Variants in HERC6 observed in about 807,000 individuals in gnomAD.
HERC6 encodes HECT and RLD domain containing E3 ubiquitin protein ligase family member 6.
Under a neutral mutation model 114.5 loss-of-function variants are expected in HERC6, and 101 were observed. The observed-to-expected ratio is 0.88, with a 90% confidence interval of 0.75 to 1.04. HERC6 has a LOEUF of 1.04. Ranked by LOEUF, HERC6 falls within the 50% of genes least tolerant of loss-of-function variation. The pLI is 0.00. For missense variants in HERC6, 1,133 were observed against 1,230.9 expected (o/e 0.92, Z 1.19); for synonymous variants, 408 against 436.2 (o/e 0.94, Z 0.81).
intron 16 of HERC6, among the ~76,000 whole-genome samples, chr4:88,429,854 T>A (rs1738006225): frequency 6.6e-6 from 1 of 152,216 alleles, no homozygotes; most frequent in African/African-American, 2.4e-5. Context: ...TAGAAAAGTA[T>A]TCCCCTTATG....
intron 22 of HERC6, 51 bp downstream of exon 22, chr4:88,440,301 G>A (rs924368065): frequency 6.7e-6 from 7 of 1,050,742 alleles, no homozygotes; most frequent in Non-Finnish European, 1.0e-5. Flanking sequence ...TTTTAAAAAG[G>A]TACAGTCTTG....
intron 22 of HERC6, among the ~76,000 whole-genome samples, 159 bp from the exon 23 acceptor site, chr4:88,442,074 CA>C (rs1321898592): frequency 6.6e-6 from 1 of 152,148 alleles, no homozygotes; most frequent in Non-Finnish European, 1.5e-5. Flanking sequence ...GGACAAAGAC[CA>C]AATGTCATGA....
At chr4:88,387,521 T>G (rs919821530) in intron 3 of HERC6, among the ~76,000 whole-genome samples, 6 of 152,224 alleles carry the variant, frequency 3.9e-5, no homozygotes, top group African/African-American at 1.4e-4. Context: ...AACAGAATAG[T>G]CAGGATTTGA....
At chr4:88,379,742 A>ATATATAAAT (rs1734081979) in intron 1 of HERC6, among the ~76,000 whole-genome samples, 3 of 61,236 alleles carry the variant, frequency 4.9e-5, no homozygotes, top group East Asian at 4.8e-4. Context: ...TAAATATATA[A>ATATATAAAT]ATATATAACA....
chr4:88,389,688 T>A (rs1438573348), intron 3 of HERC6, among the ~76,000 whole-genome samples: 1 of 147,160 alleles, frequency 6.8e-6, no homozygotes, highest in Non-Finnish European at 1.5e-5. Context: ...CGCTTGCCTT[T>A]AGTTGGGATA....
At position 88,442,659 on chromosome 4, in the gene HERC6, T is replaced by C. The variant is rs774018553; in HGVS notation, c.*199T>C. The C allele has an allele frequency of 3.4e-6, 2 of 596,006 alleles. No individual in the cohort carries two copies. The highest frequency in any genetic ancestry group is 2.8e-5 in the East Asian group (1 of 35,308). 36.9% of individuals were successfully genotyped at this position (596,006 alleles called of 1,614,324 possible). A position where few individuals can be genotyped will look rare whatever the true frequency, so the allele number is the denominator to read the frequency against. On this transcript the variant is annotated 3_prime_UTR_variant, in exon 23 of 23. Coordinates refer to ENST00000264346, the MANE Select transcript of HERC6 (RefSeq NM_017912.4). The stretch of plus-strand genomic sequence containing the variant: ...GAGGCAGGAGAATAGGGTACAGAGA[T>C]AGGGATCTAAGGATGACTTGGACAC...
At chr4:88,402,135 G>A (rs1735576961) in intron 8 of HERC6, among the ~76,000 whole-genome samples, 1 of 152,196 alleles carries the variant, frequency 6.6e-6, no homozygotes, top group African/African-American at 2.4e-5. Flanking sequence ...AAAGAATCTT[G>A]GACTGCAGGT....
rs781425955 is a variant in HERC6, at chr4:88,394,474, CAAAAAAA to C, written c.759+907_759+913del. Among the ~76,000 whole-genome samples the C allele has an allele frequency of 2.5e-3, 106 of 42,874 alleles. 1 individual carries two copies. In the East Asian group the frequency reaches 0.042, roughly 17 times the overall value. 28.1% of individuals were successfully genotyped at this position (42,874 alleles called of 152,430 possible). On this transcript the variant is annotated intron_variant, in intron 5 of 22. Coordinates refer to ENST00000264346, the MANE Select transcript of HERC6 (RefSeq NM_017912.4). ...GTTGACACAGCAAGACTCTCCTGTC[CAAAAAAA>C]AAAAAAAAAAAAAATTAGGTTAATA...
chr4:88,440,124 AT>A, intron 21 of HERC6, 23 bp from the exon 22 acceptor site: 1 of 1,603,748 alleles, frequency 6.2e-7, no homozygotes. Flanking sequence ...CACTCAAATC[AT>A]TTTTCTCCCT....
Position 88,435,833 on chromosome 4 carries a change from C to A in HERC6, c.2359C>A (p.Leu787Ile). 6.2e-7 allele frequency: 1 copy of A among 1,611,860 alleles called. No homozygotes were observed. Residue 787 changes from leucine (L) to isoleucine (I), a missense_variant, in exon 18 of 23, where the codon CTT becomes ATT. Physicochemically the swap from Leu to Ile is conservative, Grantham distance 5 (BLOSUM62 2). This residue lies in a region of HERC6 where 388 missense variants were observed against 445.9 expected (regional missense o/e 0.87). Transcript: ENST00000264346. Reference sequence around the variant, plus strand: ...TTTCCCACTGGCTCTGTATAAAAAACTTCTGGACCAAAAGCCATCATTGGA... The same window carrying A: ...TTTCCCACTGGCTCTGTATAAAAAAATTCTGGACCAAAAGCCATCATTGGA... ...LPFPLALYKK[L>I]LDQKPSLEDL...
At chr4:88,392,500 A>G (rs1252868831) in intron 4 of HERC6, among the ~76,000 whole-genome samples, 1 of 152,030 alleles carries the variant, frequency 6.6e-6, no homozygotes, top group Admixed American at 6.6e-5. Context: ...AGTTTTTCTT[A>G]TCATCTCAAT....
At position 88,393,503 on chromosome 4, in the gene HERC6, C is replaced by A. The variant is rs770389866; in HGVS notation, c.680C>A (p.Pro227His). The A allele has an allele frequency of 1.2e-5, 20 of 1,610,100 alleles. No homozygotes were observed. In the East Asian group the frequency reaches 4.0e-4, roughly 32 times the overall value. Reference protein sequence around the residue: ...GRNVPVQSNKPLSVGALKNLG... With the variant: ...GRNVPVQSNKHLSVGALKNLG... ...CTTTCAACAGTGCAAAGCAACAAGC[C>A]TCTCTCAGTCGGTGCACTGAAGAAT... Residue 227 changes from proline to histidine, a missense_variant, in exon 5 of 23, where the codon CCT (proline) becomes CAT (histidine). By Grantham distance (77) the Pro-to-His change is moderately conservative. Coordinates refer to ENST00000264346, the MANE Select transcript of HERC6 (RefSeq NM_017912.4).
chr4:88,438,995 C>T (rs1013057658), intron 20 of HERC6, among the ~76,000 whole-genome samples: 1 of 152,192 alleles, frequency 6.6e-6, no homozygotes, highest in African/African-American at 2.4e-5. Flanking sequence ...GTAGAAATTA[C>T]ATCCTGTAGT....
chr4:88,414,545 C>T (rs777561025), intron 12 of HERC6, among the ~76,000 whole-genome samples: 1 of 152,152 alleles, frequency 6.6e-6, no homozygotes, highest in Non-Finnish European at 1.5e-5. Context: ...AAAATGGCTA[C>T]TCCACAGGCA....
chr4:88,408,123 A>T (rs1578389277), intron 10 of HERC6, among the ~76,000 whole-genome samples: 1 of 152,348 alleles, frequency 6.6e-6, no homozygotes, highest in African/African-American at 2.4e-5. Context: ...GTTTCCTGGA[A>T]AAGTAAAGTC....
intron 1 of HERC6, among the ~76,000 whole-genome samples, chr4:88,379,798 A>G (rs1734092829): frequency 2.3e-5 from 2 of 85,796 alleles, no homozygotes; most frequent in Non-Finnish European, 3.9e-5. Context: ...ATATAAATAT[A>G]TATAATATAT....
intron 8 of HERC6, among the ~76,000 whole-genome samples, chr4:88,400,296 G>C (rs1735463503): frequency 6.6e-6 from 1 of 152,134 alleles, no homozygotes; most frequent in African/African-American, 2.4e-5. Context: ...CAAATTCCTA[G>C]GCTTAAGCCA....
In HERC6 at chr4:88,390,869, T is replaced by C. The variant is rs755870962; in HGVS notation, c.654T>C (p.Arg218=). Residue 218 remains arginine (R), a synonymous_variant, in exon 4 of 23, where the codon CGT becomes CGC. Transcript: ENST00000264346. ...CCGGGCAGCTGGCCCTCAGTGGGCG[T>C]AATGTCCCAGGTAAGGAGATAGTCT... ...NSAGQLALSG[R]NVPVQSNKPL... is the part of the protein sequence containing the mutation. The C allele has an allele frequency of 1.2e-6, 2 of 1,612,462 alleles. No individual in the cohort carries two copies. Among genetic ancestry groups the C allele is most frequent in the South Asian group, 1.1e-5 (1 of 90,942 alleles).
At position 88,442,420 on chromosome 4, in the gene HERC6, A is replaced by G. The variant is rs1226379609; in HGVS notation, c.3029A>G (p.Asn1010Ser). 6.2e-7 allele frequency: 1 copy of G among 1,614,062 alleles called. No homozygotes were observed. Among genetic ancestry groups the G allele is most frequent in the Non-Finnish European group, 8.5e-7 (1 of 1,179,982 alleles). ...GAAGCACTTCAAGTAGCCATCAACAACAACAGAGGATTTGTCTCACCCATG... is the reference window on the plus strand; with the variant it reads ...GAAGCACTTCAAGTAGCCATCAACAGCAACAGAGGATTTGTCTCACCCATG... ...MEEALQVAIN[N>S]NRGFVSPMLT... The change falls in exon 23 of 23, where the codon AAC becomes AGC. Residue 1010 changes from asparagine to serine, a missense_variant. Asn to Ser is a conservative substitution (Grantham distance 46). This residue lies in a region of HERC6 where 388 missense variants were observed against 445.9 expected (regional missense o/e 0.87). Coordinates refer to ENST00000264346, the MANE Select transcript of HERC6 (RefSeq NM_017912.4).
Sources: allele counts gnomAD v4.1 joint callset (sites outside exome capture counted in the v4.1 genomes callset), GRCh38; gene constraint gnomAD v4.1.1; regional missense constraint gnomAD v4.1.1; transcripts MANE v1.5; gene names NCBI Gene and HGNC (gene_info 2026-07-23, HGNC 2026-07-21).